The following DTWD2 variants were observed in gnomAD, a reference collection of about 807,000 sequenced individuals.
DTWD2 encodes the protein DTW motif tRNA-uridine aminocarboxypropyltransferase 2.
A neutral mutation model predicts 31.8 loss-of-function variants in DTWD2; 39 were observed. The ratio of observed to expected loss-of-function variants is 1.22; its 90% CI spans 0.95 to 1.60. The LOEUF (loss-of-function observed/expected upper bound fraction) is 1.60. Ranked by LOEUF, DTWD2 falls within the 40% of genes most tolerant of loss-of-function variation. The pLI is 0.00. For synonymous variants in DTWD2, 180 were observed against 142.8 expected (o/e 1.26, Z -1.86); for missense variants, 515 against 381.5 (o/e 1.35, Z -2.92).
At chr5:118,935,723 A>G (rs1414222484) in intron 3 of DTWD2, among the ~76,000 whole-genome samples, 1 of 152,216 alleles carries the variant, frequency 6.6e-6, no homozygotes, top group Non-Finnish European at 1.5e-5. Flanking sequence ...ACCTACTTGA[A>G]GAGTTTTCAA....
At chr5:118,982,707 G>C (rs1418047012) in intron 1 of DTWD2, among the ~76,000 whole-genome samples, 1 of 31,386 alleles carries the variant, frequency 3.2e-5, no homozygotes, top group South Asian at 9.9e-4. Context: ...TTTTTTTTTT[G>C]AGACGGAGTT....
chr5:118,939,367 T>C (rs1005175708), intron 2 of DTWD2, 77 bp from the exon 3 acceptor site: 4 of 1,232,962 alleles, frequency 3.2e-6, no homozygotes, highest in Non-Finnish European at 3.2e-6. Flanking sequence ...AATGAACATC[T>C]GATTCATAAC....
chr5:118,954,674 G>A (rs1754546228), intron 1 of DTWD2, among the ~76,000 whole-genome samples: 1 of 151,974 alleles, frequency 6.6e-6, no homozygotes, highest in Admixed American at 6.6e-5. Flanking sequence ...CACCACATCT[G>A]GCTAATTTTT....
rs1165905004 is a variant in DTWD2, at chr5:118,840,353, T to C, written c.*564A>G. ...GCACCTCTTTAAAAATCAGGGCAAT[T>C]AATAGAGCGCTTAAATCATATTAGC... On this transcript the variant is annotated 3_prime_UTR_variant, in exon 6 of 6. Transcript: ENST00000510708. 1.3e-5 allele frequency: 2 copies of C among 152,184 alleles called. No individual in the cohort carries two copies. The highest frequency in any genetic ancestry group is 4.8e-5 in the African/African-American group (2 of 41,454). The allele number at this position is 152,184 out of a possible 1,614,324, so 9.4% of individuals were successfully genotyped here.
intron 4 of DTWD2, among the ~76,000 whole-genome samples, chr5:118,913,430 T>TAC (rs1421167029): frequency 1.2e-4 from 16 of 131,102 alleles, no homozygotes; most frequent in East Asian, 7.6e-4. Flanking sequence ...GATATATATA[T>TAC]ATACACACAC....
chr5:118,973,256 T>C lies in DTWD2; in HGVS notation c.218+15038A>G, dbSNP rs181549838. Reference sequence around the variant, plus strand: ...ATTGGGGCATTTAACCCATTTACATTGAAGGTTAACGTTGTTACGTATGAA... The same window carrying C: ...ATTGGGGCATTTAACCCATTTACATCGAAGGTTAACGTTGTTACGTATGAA... On this transcript the variant is annotated intron_variant, in intron 1 of 5. Coordinates refer to ENST00000510708, the MANE Select transcript of DTWD2 (RefSeq NM_173666.4). Among the ~76,000 whole-genome samples the C allele has an allele frequency of 2.3e-3, 356 of 152,332 alleles. 3 individuals carry two copies. Among genetic ancestry groups the C allele is most frequent in the Non-Finnish European group, 2.1e-3 (141 of 68,034 alleles).
chr5:118,877,419 C>T lies in DTWD2; in HGVS notation c.598-29201G>A, dbSNP rs531953624. ...CCCAGGAGATGGAGCTTGCAGTGAG[C>T]GGAGATCACACCACTGCACTCCAGC... On this transcript the variant is annotated intron_variant, in intron 4 of 5. Coordinates refer to ENST00000510708, the MANE Select transcript of DTWD2 (RefSeq NM_173666.4). Among the ~76,000 whole-genome samples the T allele has an allele frequency of 5.3e-5, 8 of 151,948 alleles. No individual in the cohort carries two copies. In the East Asian group the frequency reaches 7.7e-4, roughly 15 times the overall value.
chr5:118,854,435 G>A (rs925354535), intron 4 of DTWD2, among the ~76,000 whole-genome samples: 5 of 151,128 alleles, frequency 3.3e-5, no homozygotes, highest in African/African-American at 9.7e-5. Context: ...TATTGAAATC[G>A]ACATCAAGAA....
intron 4 of DTWD2, among the ~76,000 whole-genome samples, chr5:118,894,906 C>A (rs564703962): frequency 3.2e-4 from 48 of 152,210 alleles, no homozygotes; most frequent in African/African-American, 1.0e-3. Context: ...TATTATCACA[C>A]TGAATGGGGG....
Position 118,836,633 on chromosome 5 carries a change from T to C in DTWD2, c.*4284A>G, listed in dbSNP as rs1751575546. On this transcript the variant is annotated 3_prime_UTR_variant, in exon 6 of 6. Transcript: ENST00000510708. ...AGTTGCTATGGTCTGAATATTTGTG[T>C]CCCCACAAAACTCACAGGTTGAAAC... Among the ~76,000 whole-genome samples, 1 of 152,174 alleles carries C rather than the reference T, an allele frequency of 6.6e-6. No homozygotes were observed. The highest frequency in any genetic ancestry group is 2.1e-4 in the South Asian group (1 of 4,828).
rs1489634629 is a variant in DTWD2 at position 118,836,986 on chromosome 5, T to C, written c.*3931A>G. Among the ~76,000 whole-genome samples, 1 of 152,236 alleles carries C rather than the reference T, an allele frequency of 6.6e-6. No homozygotes were observed. The highest frequency in any genetic ancestry group is 2.4e-5 in the African/African-American group (1 of 41,472). On this transcript the variant is annotated 3_prime_UTR_variant, in exon 6 of 6. Transcript: ENST00000510708. The stretch of plus-strand genomic sequence containing the variant: ...AAAAGTCAGGGATTTCCAGATTTCC[T>C]GAATAATTTTTAAATATAAAATTGT...
At chr5:118,860,871 T>C (rs1752244968) in intron 4 of DTWD2, among the ~76,000 whole-genome samples, 1 of 152,246 alleles carries the variant, frequency 6.6e-6, no homozygotes, top group African/African-American at 2.4e-5. Flanking sequence ...TTTTCACTTT[T>C]AGAAATGATT....
At chr5:118,986,968 T>C (rs950641405) in intron 1 of DTWD2, among the ~76,000 whole-genome samples, 3 of 152,178 alleles carry the variant, frequency 2.0e-5, no homozygotes, top group African/African-American at 7.2e-5. Flanking sequence ...GAAAAAAAGA[T>C]TAAATTCAGC....
In DTWD2 at chr5:118,840,377, G is replaced by C. The variant is rs1751683055; in HGVS notation, c.*540C>G. 6.6e-6 allele frequency: 1 copy of C among 152,110 alleles called. No homozygotes were observed. Among genetic ancestry groups the C allele is most frequent in the Admixed American group, 6.5e-5 (1 of 15,272 alleles). The allele number at this position is 152,110 out of a possible 1,614,324, so 9.4% of individuals were successfully genotyped here. A position where few individuals can be genotyped will look rare whatever the true frequency, so the allele number is the denominator to read the frequency against. ...TTAATAGAGCGCTTAAATCATATTAGCTGAGTTCAAATTTGGCCCCTAAAC... is the reference window on the plus strand; with the variant it reads ...TTAATAGAGCGCTTAAATCATATTACCTGAGTTCAAATTTGGCCCCTAAAC... On this transcript the variant is annotated 3_prime_UTR_variant, in exon 6 of 6. Coordinates refer to ENST00000510708, the MANE Select transcript of DTWD2 (RefSeq NM_173666.4).
chr5:118,874,221 G>A (rs1004144034), intron 4 of DTWD2, among the ~76,000 whole-genome samples: 3 of 152,140 alleles, frequency 2.0e-5, no homozygotes, highest in African/African-American at 7.2e-5. Context: ...CAATCTCAAA[G>A]ACTGAATATA....
At chr5:118,846,967 T>TAC (rs1751873508) in intron 5 of DTWD2, among the ~76,000 whole-genome samples, 1 of 82,698 alleles carries the variant, frequency 1.2e-5, no homozygotes, top group Non-Finnish European at 2.9e-5. Context: ...CACACACACA[T>TAC]ACACACGAAA....
chr5:118,874,875 A>G (rs1752587281), intron 4 of DTWD2, among the ~76,000 whole-genome samples: 1 of 152,132 alleles, frequency 6.6e-6, no homozygotes, highest in Middle Eastern at 3.4e-3. Flanking sequence ...CCAGTAAGAT[A>G]CTCCATAAGA....
At chr5:118,857,151 T>C (rs1752155691) in intron 4 of DTWD2, among the ~76,000 whole-genome samples, 1 of 152,062 alleles carries the variant, frequency 6.6e-6, no homozygotes. Flanking sequence ...AAAAAAAGTT[T>C]GAAAATTGTA....
intron 1 of DTWD2, among the ~76,000 whole-genome samples, chr5:118,975,141 C>T (rs1175000854): frequency 6.6e-6 from 1 of 152,170 alleles, no homozygotes; most frequent in African/African-American, 2.4e-5. Flanking sequence ...TTCCATTCTC[C>T]CCATCACTTT....
Sources: allele counts gnomAD v4.1 joint callset (sites outside exome capture counted in the v4.1 genomes callset), GRCh38; gene constraint gnomAD v4.1.1; transcripts MANE v1.5; gene names NCBI Gene and HGNC (gene_info 2026-07-23, HGNC 2026-07-21).